PLXDC2: variants seen among roughly 807,000 people sequenced by gnomAD.
The protein encoded by PLXDC2 is plexin domain containing 2, also known as plexin domain-containing protein 2.
In PLXDC2, 40 loss-of-function variants were observed where a neutral mutation model predicts 68.9. The ratio of observed to expected loss-of-function variants is 0.58; its 90% confidence interval spans 0.45 to 0.76. The LOEUF (loss-of-function observed/expected upper bound fraction) is 0.76, where lower values mean the gene tolerates loss of function less well. Among genes scored for constraint, PLXDC2 ranks in the 30% least tolerant of loss-of-function variants. PLXDC2 has a pLI of 0.00. For synonymous variants in PLXDC2, 243 were observed against 234.2 expected, an observed-to-expected ratio of 1.04 and a Z score of -0.34; for missense variants, 644 against 661.9, an observed-to-expected ratio of 0.97 and a Z score of 0.30.
chr10:19,844,989 A>T (rs1274235931), intron 1 of PLXDC2, among the ~76,000 whole-genome samples: 1 of 152,176 alleles, frequency 6.6e-6, no homozygotes, highest in Non-Finnish European at 1.5e-5. Flanking sequence ...ATTGTACAAG[A>T]AAATATCTTG....
At chr10:20,226,512 T>C (rs556442632) in intron 12 of PLXDC2, among the ~76,000 whole-genome samples, 18 of 152,356 alleles carry the variant, frequency 1.2e-4, no homozygotes, top group East Asian at 1.2e-3. Context: ...CAAAACACTT[T>C]TGACCCAGAA....
chr10:20,132,926 T>C (rs1291882515), intron 4 of PLXDC2, among the ~76,000 whole-genome samples: 1 of 152,150 alleles, frequency 6.6e-6, no homozygotes, highest in Non-Finnish European at 1.5e-5. Context: ...TCTTGTTGCC[T>C]TCTTTTTGAT....
intron 4 of PLXDC2, among the ~76,000 whole-genome samples, chr10:20,078,860 C>T (rs1287074720): frequency 6.6e-6 from 1 of 151,918 alleles, no homozygotes; most frequent in African/African-American, 2.4e-5. Flanking sequence ...TTCTGAATTC[C>T]CTTATTTTCC....
chr10:20,261,710 C>T (rs185640020), intron 13 of PLXDC2, among the ~76,000 whole-genome samples: 6 of 152,016 alleles, frequency 3.9e-5, no homozygotes, highest in Admixed American at 2.6e-4. Flanking sequence ...CAAAATTATC[C>T]GGGGGTGGTA....
At chr10:19,903,934 G>A (rs921238592) in intron 1 of PLXDC2, among the ~76,000 whole-genome samples, 5 of 151,872 alleles carry the variant, frequency 3.3e-5, no homozygotes, top group East Asian at 1.9e-4. Flanking sequence ...TAATTTCATT[G>A]TTGACCCAAT....
intron 4 of PLXDC2, among the ~76,000 whole-genome samples, chr10:20,105,395 A>G (rs1330775490): frequency 6.6e-6 from 1 of 152,228 alleles, no homozygotes; most frequent in Non-Finnish European, 1.5e-5. Context: ...AACTAGTGGT[A>G]ACACTGCCAA....
At chr10:20,228,033 G>A (rs1425989567) in intron 12 of PLXDC2, among the ~76,000 whole-genome samples, 1 of 152,186 alleles carries the variant, frequency 6.6e-6, no homozygotes, top group East Asian at 1.9e-4. Flanking sequence ...AGTTATCTGG[G>A]TGGACAGTGG....
chr10:19,880,674 T>C (rs530017860), intron 1 of PLXDC2, among the ~76,000 whole-genome samples: 36 of 152,342 alleles, frequency 2.4e-4, no homozygotes, highest in African/African-American at 8.4e-4. Flanking sequence ...TTCAGTACTT[T>C]CCATGAGTTA....
At chr10:20,164,447 A>G in intron 6 of PLXDC2, 21 bp from the exon 7 acceptor site, 2 of 1,569,034 alleles carry the variant, frequency 1.3e-6, no homozygotes, top group Non-Finnish European at 1.8e-6. Context: ...ACATATAGTT[A>G]CCTGCTTTGT....
At position 19,883,113 on chromosome 10, in the gene PLXDC2, C is replaced by T. The variant is rs1405510518; in HGVS notation, c.112+65922C>T. ...CTGGGACTACAGGCGCCCGCCACCA[C>T]GCCCGGCTAATTTTTTGTTTTTGTA... On this transcript the variant is annotated intron_variant, in intron 1 of 13. Coordinates refer to ENST00000377252, the MANE Select transcript of PLXDC2 (RefSeq NM_032812.9). Among the ~76,000 whole-genome samples, 9 of 151,956 alleles carry T rather than the reference C, an allele frequency of 5.9e-5. No individual in the cohort carries two copies. In the South Asian group the frequency reaches 6.3e-4, roughly 11 times the overall value.
At chr10:19,820,527 G>A (rs1018555710) in intron 1 of PLXDC2, among the ~76,000 whole-genome samples, 1 of 151,926 alleles carries the variant, frequency 6.6e-6, no homozygotes, top group South Asian at 2.1e-4. Context: ...CCAGCTACTC[G>A]GGAGGCTGAG....
At chr10:19,843,105 C>T (rs372114399) in intron 1 of PLXDC2, among the ~76,000 whole-genome samples, 6 of 146,716 alleles carry the variant, frequency 4.1e-5, no homozygotes, top group African/African-American at 1.1e-4. Flanking sequence ...GTCTTTACAA[C>T]GATCTGCCAC....
At chr10:20,156,212 G>A (rs554758089) in intron 6 of PLXDC2, among the ~76,000 whole-genome samples, 1 of 152,268 alleles carries the variant, frequency 6.6e-6, no homozygotes, top group African/African-American at 2.4e-5. Flanking sequence ...AATGGCACAA[G>A]CTTCTTCAAG....
At chr10:19,910,782 A>G (rs1833255840) in intron 1 of PLXDC2, among the ~76,000 whole-genome samples, 1 of 151,776 alleles carries the variant, frequency 6.6e-6, no homozygotes. Flanking sequence ...AGGCCGAGGC[A>G]GGTGAATCAT....
chr10:19,950,847 C>T (rs890764712), intron 1 of PLXDC2, among the ~76,000 whole-genome samples: 1 of 152,192 alleles, frequency 6.6e-6, no homozygotes, highest in African/African-American at 2.4e-5. Context: ...AATAAAGCCA[C>T]ATACCTACAA....
intron 2 of PLXDC2, among the ~76,000 whole-genome samples, chr10:20,004,691 C>A (rs960291712): frequency 1.3e-5 from 2 of 152,072 alleles, no homozygotes; most frequent in Admixed American, 6.6e-5. Context: ...TGTAATCTCT[C>A]CTGTGGGGTG....
chr10:20,036,920 A>G (rs1375679425), intron 2 of PLXDC2, among the ~76,000 whole-genome samples: 1 of 152,224 alleles, frequency 6.6e-6, no homozygotes, highest in Non-Finnish European at 1.5e-5. Flanking sequence ...TACCAGTGCT[A>G]ATTGTAACTA....
At chr10:20,182,849 C>G (rs888802343) in intron 9 of PLXDC2, among the ~76,000 whole-genome samples, 2 of 151,910 alleles carry the variant, frequency 1.3e-5, no homozygotes, top group African/African-American at 4.8e-5. Flanking sequence ...CTCCCCTTGT[C>G]CCCTACTCCC....
At chr10:20,198,959 A>G (rs2131846012) in intron 9 of PLXDC2, among the ~76,000 whole-genome samples, 1 of 152,220 alleles carries the variant, frequency 6.6e-6, no homozygotes, top group Non-Finnish European at 1.5e-5. Context: ...AAGGGAAAAC[A>G]TTCAGTCTTT....
Sources: allele counts gnomAD v4.1 joint callset (sites outside exome capture counted in the v4.1 genomes callset), GRCh38; gene constraint gnomAD v4.1.1; transcripts MANE v1.5; gene names NCBI Gene and HGNC (gene_info 2026-07-23, HGNC 2026-07-21).